The following MGAT5 variants were observed in gnomAD, a reference collection of about 807,000 sequenced individuals.
MGAT5 encodes alpha-1,6-mannosylglycoprotein 6-beta-N-acetylglucosaminyltransferase, also known as alpha-1,6-mannosylglycoprotein 6-beta-N-acetylglucosaminyltransferase A.
MGAT5 carries 30 observed loss-of-function variants against 94.3 expected under a neutral mutation model. The ratio of observed to expected loss-of-function variants is 0.32; its 90% CI spans 0.24 to 0.43. The LOEUF (loss-of-function observed/expected upper bound fraction) is 0.43. MGAT5 is among the 20% of genes least tolerant of loss of function. The probability of loss-of-function intolerance (pLI) is 1.00; values close to 1 mark genes in which losing one functional copy is unlikely to be tolerated. For missense variants in MGAT5, 691 were observed against 905.5 expected (o/e 0.76, Z 3.04); for synonymous variants, 310 against 322.9 (o/e 0.96, Z 0.43).
intron 2 of MGAT5, among the ~76,000 whole-genome samples, chr2:134,291,267 T>A (rs1047345373): frequency 6.6e-6 from 1 of 152,152 alleles, no homozygotes; most frequent in African/African-American, 2.4e-5. Context: ...GGGAGAGCCC[T>A]CATGAATGAG....
chr2:134,304,695 A>G (rs1400117012), intron 2 of MGAT5, among the ~76,000 whole-genome samples: 2 of 152,208 alleles, frequency 1.3e-5, no homozygotes, highest in Non-Finnish European at 2.9e-5. Context: ...ACATGAAGGA[A>G]TACCTGCTAA....
intron 4 of MGAT5, among the ~76,000 whole-genome samples, chr2:134,334,424 G>C (rs1272651428): frequency 6.6e-6 from 1 of 150,482 alleles, no homozygotes; most frequent in Non-Finnish European, 1.5e-5. Context: ...CTTCATCCTG[G>C]TGGGTGGCTG....
At chr2:134,378,655 G>A (rs114460412) in intron 10 of MGAT5, among the ~76,000 whole-genome samples, 6 of 139,256 alleles carry the variant, frequency 4.3e-5, no homozygotes, top group Admixed American at 1.5e-4. Flanking sequence ...TCACTCTGTC[G>A]CCCAGGCTTG....
chr2:134,254,949 G>T (rs1356484110), intron 1 of MGAT5, among the ~76,000 whole-genome samples: 3 of 152,224 alleles, frequency 2.0e-5, no homozygotes, highest in Non-Finnish European at 4.4e-5. Context: ...GTGATCTCAT[G>T]TGGGAGTGAG....
intron 1 of MGAT5, among the ~76,000 whole-genome samples, chr2:134,267,370 G>C (rs1683780966): frequency 6.6e-6 from 1 of 152,210 alleles, no homozygotes; most frequent in African/African-American, 2.4e-5. Flanking sequence ...TCCTCAGACT[G>C]TCTTGGTAGG....
At chr2:134,402,891 T>C (rs1461660601) in intron 10 of MGAT5, 97 bp from the exon 11 acceptor site, 1 of 1,231,140 alleles carries the variant, frequency 8.1e-7, no homozygotes, top group Non-Finnish European at 1.1e-6. Context: ...GAACTCTCTG[T>C]CTGTGGCCTC....
intron 1 of MGAT5, among the ~76,000 whole-genome samples, chr2:134,247,582 TAAAC>T (rs1323243916): frequency 6.6e-6 from 1 of 152,146 alleles, no homozygotes; most frequent in Non-Finnish European, 1.5e-5. Context: ...AAAAACATCT[TAAAC>T]AAAACCAAAA....
intron 1 of MGAT5, among the ~76,000 whole-genome samples, chr2:134,221,788 G>A (rs1475344495): frequency 6.6e-6 from 1 of 152,130 alleles, no homozygotes; most frequent in African/African-American, 2.4e-5. Flanking sequence ...CGCAGAAAAG[G>A]TGGGCACGTA....
At chr2:134,374,969 C>T (rs920494033) in intron 10 of MGAT5, among the ~76,000 whole-genome samples, 3 of 152,156 alleles carry the variant, frequency 2.0e-5, no homozygotes, top group Non-Finnish European at 4.4e-5. Flanking sequence ...CTGGATAAAT[C>T]GAGACTCTTG....
intron 1 of MGAT5, among the ~76,000 whole-genome samples, chr2:134,158,529 G>A (rs938977564): frequency 1.3e-5 from 2 of 152,202 alleles, no homozygotes; most frequent in Non-Finnish European, 2.9e-5. Context: ...GCGAGAGCAG[G>A]CCCTTCCAAG....
intron 2 of MGAT5, among the ~76,000 whole-genome samples, chr2:134,288,414 G>A (rs897175053): frequency 1.7e-4 from 26 of 152,040 alleles, no homozygotes; most frequent in African/African-American, 5.3e-4. Context: ...ATGTGTTGCC[G>A]TGTTGCCTGT....
At chr2:134,120,758 C>G (rs930232896) in intron 1 of MGAT5, among the ~76,000 whole-genome samples, 3 of 151,870 alleles carry the variant, frequency 2.0e-5, no homozygotes, top group Admixed American at 2.0e-4. Flanking sequence ...CCCAGGCGCA[C>G]TGGGCGGGCT....
In MGAT5 at chr2:134,352,739, A is replaced by T. The variant is rs958278301; in HGVS notation, c.1246+2801A>T. 3.4e-4 allele frequency among the ~76,000 whole-genome samples: 51 copies of T among 152,186 alleles called. 1 individual carries two copies. The highest frequency in any genetic ancestry group is 5.3e-4 in the Non-Finnish European group (36 of 68,026). On this transcript the variant is annotated intron_variant, in intron 9 of 15. Transcript: ENST00000281923. ...CAAGGAATTCAAAGTAGGATCTCGA[A>T]AAAGTGTTTGCACATTCATGTTCAC... is the stretch of plus-strand genomic sequence containing the variant.
intron 1 of MGAT5, among the ~76,000 whole-genome samples, chr2:134,259,284 C>T (rs777866605): frequency 3.9e-5 from 6 of 152,190 alleles, no homozygotes; most frequent in South Asian, 2.1e-4. Flanking sequence ...CTGCCAGTGA[C>T]GTCTCGGGAA....
At position 134,349,328 on chromosome 2, in the gene MGAT5, A is replaced by G. The variant is rs540990020; in HGVS notation, c.1113-477A>G. Among the ~76,000 whole-genome samples the G allele has an allele frequency of 6.6e-5, 10 of 152,306 alleles. No individual in the cohort carries two copies. In the East Asian group the frequency reaches 1.5e-3, roughly 24 times the overall value. On this transcript the variant is annotated intron_variant, in intron 8 of 15. Coordinates refer to ENST00000281923, the MANE Select transcript of MGAT5 (RefSeq NM_002410.5). ...AGATTCTAAGCTTAATGTAAAGTCA[A>G]ATACTCCAATTGATGAAAATGTTGA... is the stretch of plus-strand genomic sequence containing the variant.
intron 1 of MGAT5, among the ~76,000 whole-genome samples, chr2:134,143,326 G>A (rs78568983): frequency 0.013 from 1,998 of 152,336 alleles, 39 homozygotes; most frequent in African/African-American, 0.046. Flanking sequence ...GTTAAAGACT[G>A]ATTCTGTGTT....
intron 14 of MGAT5, among the ~76,000 whole-genome samples, chr2:134,440,941 A>G (rs74456185): frequency 0.053 from 8,079 of 152,196 alleles, 283 homozygotes; most frequent in East Asian, 0.12. Context: ...ATTTGTTTCA[A>G]TGTTTAATAT....
chr2:134,321,746 T>C (rs1387878228), intron 4 of MGAT5, among the ~76,000 whole-genome samples: 2 of 152,212 alleles, frequency 1.3e-5, no homozygotes, highest in African/African-American at 4.8e-5. Context: ...TGAGCAGTTA[T>C]TGAATTCATT....
intron 13 of MGAT5, among the ~76,000 whole-genome samples, chr2:134,426,121 C>A (rs940531005): frequency 2.6e-5 from 4 of 152,208 alleles, no homozygotes; most frequent in Non-Finnish European, 5.9e-5. Flanking sequence ...GCTGTCAGGA[C>A]TCTGAAGAGC....
Sources: gnomAD v4.1 joint callset for allele counts (sites outside exome capture counted in the v4.1 genomes callset) on GRCh38, gnomAD v4.1.1 for gene constraint, MANE v1.5 for transcripts, NCBI Gene and HGNC (gene_info 2026-07-23, HGNC 2026-07-21) for gene names.